The following MMRN1 variants were observed in gnomAD, a reference collection of about 807,000 sequenced individuals.
MMRN1 encodes the protein multimerin-1.
In MMRN1, 94 loss-of-function variants were observed where a neutral mutation model predicts 100.7. The observed-to-expected ratio is 0.93, with a 90% CI of 0.79 to 1.11. The LOEUF is 1.11. Ranked by LOEUF, MMRN1 falls within the 50% of genes least tolerant of loss-of-function variation. The pLI is 0.00. For missense variants in MMRN1, 1,606 were observed against 1,439.1 expected, an observed-to-expected ratio of 1.12 and a Z score of -1.88; for synonymous variants, 575 against 505.0, an observed-to-expected ratio of 1.14 and a Z score of -1.86.
chr4:89,888,876 G>A (rs1292552164), intron 1 of MMRN1, among the ~76,000 whole-genome samples: 1 of 151,966 alleles, frequency 6.6e-6, no homozygotes, highest in African/African-American at 2.4e-5. Flanking sequence ...ATAGTTATTT[G>A]AAATTCTCTC....
At chr4:89,894,790 CTACAGA>C, upstream of MMRN1, 1 of 1,122,976 alleles carries the variant, frequency 8.9e-7, no homozygotes, top group South Asian at 1.9e-5. Flanking sequence ...CACAAAAACC[CTACAGA>C]AACAGGAAAC....
intron 5 of MMRN1, among the ~76,000 whole-genome samples, chr4:89,932,035 G>A (rs1050664007): frequency 3.3e-5 from 5 of 152,116 alleles, no homozygotes; most frequent in African/African-American, 1.2e-4. Flanking sequence ...AGTCCCTTCT[G>A]TCTATGAACC....
chr4:89,888,113 CAT>C lies in MMRN1; in HGVS notation c.-248-6604_-248-6603del, dbSNP rs557701745. Among the ~76,000 whole-genome samples, 15 of 151,876 alleles carry C rather than the reference CAT, an allele frequency of 9.9e-5. 1 individual carries two copies. The South Asian group carries it at 3.1e-3, about 32-fold the overall frequency. Reference sequence around the variant, plus strand: ...GATAAGATAATATCAAATTTGTTTACATATATATTTAACTTTTCTGATGCTCT... The same window carrying C: ...GATAAGATAATATCAAATTTGTTTACATATATTTAACTTTTCTGATGCTCT... On this transcript the variant is annotated intron_variant, in intron 1 of 8. Transcript: ENST00000394980.
intron 6 of MMRN1, among the ~76,000 whole-genome samples, chr4:89,937,997 A>T (rs1722699470): frequency 6.6e-6 from 1 of 152,128 alleles, no homozygotes; most frequent in Non-Finnish European, 1.5e-5. Context: ...TCTTACAAAA[A>T]GTAATGGCTG....
In MMRN1 at chr4:89,923,160, C is replaced by T. The variant is rs41284765; in HGVS notation, c.851-8C>T. On this transcript the variant is annotated splice_region_variant and splice_polypyrimidine_tract_variant and intron_variant, in intron 3 of 7. Coordinates refer to ENST00000264790, the MANE Select transcript of MMRN1 (RefSeq NM_007351.3). The stretch of plus-strand genomic sequence containing the variant: ...AACTGTCTCTCTTCTCTTTCTGCTT[C>T]CTTCTAGCCCAGGAACAGCAAAGTT... 6,303 of 1,611,488 alleles carry T rather than the reference C, an allele frequency of 3.9e-3. 25 individuals carry two copies. The highest frequency in any genetic ancestry group is 0.035 in the Middle Eastern group (214 of 6,054).
intron 1 of MMRN1, among the ~76,000 whole-genome samples, chr4:89,905,241 T>C (rs1207973346): frequency 6.6e-6 from 1 of 151,370 alleles, no homozygotes; most frequent in Non-Finnish European, 1.5e-5. Flanking sequence ...AATTTTGCCA[T>C]TAGTAATGGT....
At chr4:89,949,609 T>C (rs1477020281) in intron 6 of MMRN1, among the ~76,000 whole-genome samples, 1 of 152,202 alleles carries the variant, frequency 6.6e-6, no homozygotes, top group African/African-American at 2.4e-5. Context: ...TAAAGGAATG[T>C]TAGCCAGTCG....
rs879464947 is a variant in MMRN1 at position 89,935,861 on chromosome 4, C to T, written c.2181C>T (p.Gly727=). 8 of 1,612,210 alleles carry T rather than the reference C, an allele frequency of 5.0e-6. No homozygotes were observed. The highest frequency in any genetic ancestry group is 2.7e-5 in the African/African-American group (2 of 74,896). Residue 727 remains glycine (G), a synonymous_variant, in exon 6 of 8, where the codon GGC becomes GGT. Coordinates refer to ENST00000264790, the MANE Select transcript of MMRN1 (RefSeq NM_007351.3). ...INEYALEMED[G]LNKTMTIINN... is the part of the protein sequence containing the mutation. Reference sequence around the variant, plus strand: ...AATATGCCTTAGAAATGGAAGATGGCCTCAATAAGACAATGACTATTATAA... The same window carrying T: ...AATATGCCTTAGAAATGGAAGATGGTCTCAATAAGACAATGACTATTATAA...
At chr4:89,909,201 C>T in intron 1 of MMRN1, 75 bp from the exon 2 acceptor site, 2 of 1,468,818 alleles carry the variant, frequency 1.4e-6, no homozygotes, top group Non-Finnish European at 9.3e-7. Context: ...AAATGTTTGT[C>T]TGTGAAAATA....
At chr4:89,898,443 C>T (rs1425818002) in intron 1 of MMRN1, among the ~76,000 whole-genome samples, 1 of 152,008 alleles carries the variant, frequency 6.6e-6, no homozygotes, top group Non-Finnish European at 1.5e-5. Flanking sequence ...CTACATTACA[C>T]TCCCTTGGCA....
At chr4:89,943,411 G>A (rs1722893812) in intron 6 of MMRN1, among the ~76,000 whole-genome samples, 2 of 152,106 alleles carry the variant, frequency 1.3e-5, no homozygotes, top group South Asian at 4.1e-4. Flanking sequence ...TACCTCAAGA[G>A]GATCTTTGTA....
chr4:89,952,429 G>A (rs1419722062), intron 7 of MMRN1, among the ~76,000 whole-genome samples: 2 of 152,172 alleles, frequency 1.3e-5, no homozygotes, highest in Non-Finnish European at 2.9e-5. Flanking sequence ...ATCCTGCATA[G>A]TGAAATGTAA....
In MMRN1 at chr4:89,953,230, AT is replaced by A. The variant is rs772186855; in HGVS notation, c.3500del (p.Ile1167LysfsTer21). On this transcript the variant is annotated frameshift_variant, in exon 8 of 8. Transcript: ENST00000264790. LOFTEE classifies it high-confidence loss of function. ...TTCTGGATTTTTAGTGGTTGATGGAATAGACAAGCTTGCATTTGAGTCTGAA... is the reference window on the plus strand; with the variant it reads ...TTCTGGATTTTTAGTGGTTGATGGAAAGACAAGCTTGCATTTGAGTCTGAA... ...HISGFLVVDG[I>X]DKLAFESENI... 1.9e-6 allele frequency: 3 copies of A among 1,613,794 alleles called. No individual in the cohort carries two copies. The highest frequency in any genetic ancestry group is 2.5e-6 in the Non-Finnish European group (3 of 1,179,866).
intron 3 of MMRN1, among the ~76,000 whole-genome samples, chr4:89,915,489 TGA>T (rs1364188576): frequency 5.3e-5 from 8 of 151,474 alleles, no homozygotes; most frequent in African/African-American, 1.9e-4. Context: ...TGGTTCTGAG[TGA>T]GAGAGAGCAA....
At chr4:89,919,042 A>G (rs1190755298) in intron 3 of MMRN1, among the ~76,000 whole-genome samples, 4 of 151,736 alleles carry the variant, frequency 2.6e-5, no homozygotes, top group African/African-American at 9.7e-5. Context: ...TAAGTTTTCT[A>G]AGAAGTTGTC....
intron 1 of MMRN1, among the ~76,000 whole-genome samples, chr4:89,888,176 T>C (rs191627287): frequency 1.5e-3 from 233 of 152,156 alleles, no homozygotes; most frequent in African/African-American, 5.3e-3. Context: ...CATTTTTCTG[T>C]AGTTTCTCTT....
chr4:89,938,903 G>T (rs534471987), intron 6 of MMRN1, among the ~76,000 whole-genome samples: 1 of 151,842 alleles, frequency 6.6e-6, no homozygotes, highest in African/African-American at 2.4e-5. Context: ...TAATTCCCAC[G>T]TGCAAGGTAG....
At chr4:89,885,986 A>G (rs1182340287) in intron 1 of MMRN1, among the ~76,000 whole-genome samples, 1 of 151,530 alleles carries the variant, frequency 6.6e-6, no homozygotes, top group East Asian at 1.9e-4. Flanking sequence ...CCTCAATAAT[A>G]TCATCCCTTT....
chr4:89,915,341 C>A (rs1305167009), intron 3 of MMRN1, among the ~76,000 whole-genome samples: 1 of 151,448 alleles, frequency 6.6e-6, no homozygotes, highest in African/African-American at 2.4e-5. Context: ...GTTGTTGCAC[C>A]AAACTGCCTA....
Sources: gnomAD v4.1 joint callset for allele counts (sites outside exome capture counted in the v4.1 genomes callset) on GRCh38, gnomAD v4.1.1 for gene constraint, MANE v1.5 for transcripts, NCBI Gene and HGNC (gene_info 2026-07-23, HGNC 2026-07-21) for gene names.